Variants in DOCK2 observed in about 807,000 individuals in gnomAD.
DOCK2 encodes the protein dedicator of cytokinesis protein 2.
Under a neutral mutation model 248.9 loss-of-function variants are expected in DOCK2, and 87 were observed. That is an observed-to-expected ratio of 0.35 (90% CI 0.29 to 0.42). The LOEUF (loss-of-function observed/expected upper bound fraction) is 0.42, where lower values mean the gene tolerates loss of function less well. Ranked by LOEUF, DOCK2 falls within the 10% of genes least tolerant of loss-of-function variation. The pLI is 1.00. For missense variants in DOCK2, 1,747 were observed against 2,300.2 expected (o/e 0.76, Z 4.92); for synonymous variants, 805 against 821.6 (o/e 0.98, Z 0.35).
intron 40 of DOCK2, 81 bp downstream of exon 40, chr5:170,047,695 T>C (rs1322479016): frequency 2.2e-6 from 3 of 1,333,778 alleles, no homozygotes; most frequent in African/African-American, 1.5e-5. Flanking sequence ...CTTTGAGGAT[T>C]TGCTTGTGCT....
In DOCK2 at chr5:169,908,721, T is replaced by C. The variant is rs1005056464; in HGVS notation, c.2799+67869T>C. Among the ~76,000 whole-genome samples the C allele has an allele frequency of 5.7e-4, 83 of 146,118 alleles. 1 individual carries two copies. The highest frequency in any genetic ancestry group is 2.0e-3 in the African/African-American group (80 of 39,626). ...TTTCTCTTTTCTTTTTTCTTTTTTT[T>C]TTTTTTTTTTTGAGACCGAGTCTCA... On this transcript the variant is annotated intron_variant, in intron 27 of 51. Coordinates refer to ENST00000520908, the MANE Select transcript of DOCK2 (RefSeq NM_004946.3).
chr5:169,998,439 AG>A (rs1342708012), intron 30 of DOCK2, among the ~76,000 whole-genome samples: 2 of 152,244 alleles, frequency 1.3e-5, no homozygotes, highest in Non-Finnish European at 2.9e-5. Context: ...CATTCAAATC[AG>A]GCAACTGAGT....
intron 25 of DOCK2, among the ~76,000 whole-genome samples, chr5:169,791,003 C>G (rs546647925): frequency 6.6e-6 from 1 of 152,326 alleles, no homozygotes; most frequent in East Asian, 1.9e-4. Context: ...CCATCCCACC[C>G]CCAGCTGCTA....
chr5:169,917,677 G>A (rs1437097360), intron 27 of DOCK2, among the ~76,000 whole-genome samples: 1 of 152,210 alleles, frequency 6.6e-6, no homozygotes, highest in Non-Finnish European at 1.5e-5. Flanking sequence ...AAAGAGAAAT[G>A]AAGGGGAGAA....
intron 27 of DOCK2, among the ~76,000 whole-genome samples, chr5:169,922,651 C>T (rs1311616642): frequency 6.6e-6 from 1 of 152,180 alleles, no homozygotes; most frequent in African/African-American, 2.4e-5. Flanking sequence ...ATTTATAGTG[C>T]TCAGAGAGGT....
intron 7 of DOCK2, among the ~76,000 whole-genome samples, chr5:169,682,179 T>G (rs1184403594): frequency 1.3e-5 from 2 of 152,236 alleles, no homozygotes; most frequent in East Asian, 3.8e-4. Context: ...GTGAAAATAT[T>G]AATTCCAGAT....
chr5:169,686,138 CT>C (rs1481310393), intron 8 of DOCK2, among the ~76,000 whole-genome samples: 7 of 152,194 alleles, frequency 4.6e-5, no homozygotes, highest in Admixed American at 4.6e-4. Context: ...GCAGGGGCCC[CT>C]TGCTGTTCCC....
At chr5:169,803,328 C>A in intron 26 of DOCK2, 122 bp downstream of exon 26, 1 of 1,310,104 alleles carries the variant, frequency 7.6e-7, no homozygotes, top group Non-Finnish European at 1.0e-6. Flanking sequence ...ACGGCTTGCT[C>A]AGCAGGCCTA....
At chr5:169,825,028 A>G (rs1205568697) in intron 26 of DOCK2, among the ~76,000 whole-genome samples, 1 of 152,252 alleles carries the variant, frequency 6.6e-6, no homozygotes, top group Non-Finnish European at 1.5e-5. Flanking sequence ...AATGCTCATC[A>G]TCACTGGCCA....
intron 27 of DOCK2, among the ~76,000 whole-genome samples, chr5:169,874,310 G>A (rs1772174457): frequency 6.6e-6 from 1 of 151,388 alleles, no homozygotes; most frequent in Non-Finnish European, 1.5e-5. Context: ...CTACTCAGGA[G>A]GCTGAGGCAG....
chr5:169,749,730 G>A (rs1245213858), intron 23 of DOCK2, among the ~76,000 whole-genome samples: 8 of 152,202 alleles, frequency 5.3e-5, no homozygotes, highest in Admixed American at 5.2e-4. Context: ...AGTCCCTGCT[G>A]GGGATGGATG....
At chr5:170,065,936 C>T (rs1237102769) in intron 44 of DOCK2, among the ~76,000 whole-genome samples, 1 of 151,126 alleles carries the variant, frequency 6.6e-6, no homozygotes, top group East Asian at 1.9e-4. Context: ...AAAATATATT[C>T]CATGCAAATG....
chr5:169,894,261 A>G (rs1561802541), intron 27 of DOCK2, among the ~76,000 whole-genome samples: 1 of 152,242 alleles, frequency 6.6e-6, no homozygotes. Flanking sequence ...TGGCAGGACC[A>G]AAAGGACAGC....
intron 27 of DOCK2, among the ~76,000 whole-genome samples, chr5:169,965,598 A>G (rs1777269460): frequency 6.6e-6 from 1 of 152,142 alleles, no homozygotes. Flanking sequence ...AAACATCCCA[A>G]TGTCGGGAGA....
intron 30 of DOCK2, chr5:169,998,029 G>A (rs531496796): frequency 4.4e-6 from 2 of 456,294 alleles, no homozygotes; most frequent in South Asian, 3.1e-5. Flanking sequence ...CCACTTGTAA[G>A]GTCCCATAAG....
intron 29 of DOCK2, among the ~76,000 whole-genome samples, chr5:169,991,268 T>C (rs954869580): frequency 6.6e-6 from 1 of 152,224 alleles, no homozygotes; most frequent in African/African-American, 2.4e-5. Context: ...TTCTGCCACA[T>C]GAAGAGAAGT....
intron 26 of DOCK2, among the ~76,000 whole-genome samples, chr5:169,827,179 C>T (rs950454559): frequency 1.3e-5 from 2 of 152,124 alleles, no homozygotes; most frequent in African/African-American, 2.4e-5. Context: ...AAAAATGCAG[C>T]TATGGTTATA....
intron 27 of DOCK2, among the ~76,000 whole-genome samples, chr5:169,868,329 T>G (rs182471011): frequency 4.6e-5 from 7 of 152,340 alleles, no homozygotes. Flanking sequence ...TCCACCAAAT[T>G]ATATGAATAC....
At chr5:169,974,651 C>T (rs951768961) in intron 27 of DOCK2, among the ~76,000 whole-genome samples, 3 of 151,850 alleles carry the variant, frequency 2.0e-5, no homozygotes, top group African/African-American at 7.3e-5. Flanking sequence ...AGCTCCATAC[C>T]CTAGCAATGC....
Sources: gnomAD v4.1 joint callset for allele counts (sites outside exome capture counted in the v4.1 genomes callset) on GRCh38, gnomAD v4.1.1 for gene constraint, MANE v1.5 for transcripts, NCBI Gene and HGNC (gene_info 2026-07-23, HGNC 2026-07-21) for gene names.